Variants in MACROD2 observed in about 807,000 individuals in gnomAD.
MACROD2 encodes the protein mono-ADP ribosylhydrolase 2.
A neutral mutation model predicts 70.4 loss-of-function variants in MACROD2; 36 were observed. That is an observed-to-expected ratio of 0.51 (90% CI 0.39 to 0.68). The LOEUF (loss-of-function observed/expected upper bound fraction) is 0.68, where lower values mean the gene tolerates loss of function less well. MACROD2 is among the 30% of genes least tolerant of loss of function. The pLI is 0.00. For missense variants in MACROD2, 496 were observed against 538.4 expected, an observed-to-expected ratio of 0.92 and a Z score of 0.78; for synonymous variants, 172 against 178.8, an observed-to-expected ratio of 0.96 and a Z score of 0.30.
intron 3 of MACROD2, among the ~76,000 whole-genome samples, chr20:14,467,494 G>T (rs1488737596): frequency 6.6e-6 from 1 of 152,030 alleles, no homozygotes; most frequent in African/African-American, 2.4e-5. Context: ...CGGGTGAGGC[G>T]ATGCCTCTCC....
chr20:14,848,924 A>G (rs1275938412), intron 5 of MACROD2, among the ~76,000 whole-genome samples: 1 of 152,126 alleles, frequency 6.6e-6, no homozygotes, highest in African/African-American at 2.4e-5. Flanking sequence ...TGGATACTCC[A>G]CATCCTCCGG....
chr20:15,830,563 G>A (rs559461526), intron 8 of MACROD2, among the ~76,000 whole-genome samples: 1 of 152,350 alleles, frequency 6.6e-6, no homozygotes, highest in South Asian at 2.1e-4. Flanking sequence ...AGGAGCGGAA[G>A]TACCCAAAAC....
At chr20:15,295,595 T>TCACACACACACACACACACACACACA (rs3223712) in intron 6 of MACROD2, among the ~76,000 whole-genome samples, 3 of 147,938 alleles carry the variant, frequency 2.0e-5, no homozygotes, top group Admixed American at 6.8e-5. Flanking sequence ...ATGTCTGTCA[T>TCACACACACACACACACACACACACA]CACACACACA....
chr20:14,315,483 T>G (rs2082604986), intron 3 of MACROD2, among the ~76,000 whole-genome samples: 1 of 152,224 alleles, frequency 6.6e-6, no homozygotes, highest in African/African-American at 2.4e-5. Context: ...TTGGAAAGAT[T>G]TAGCAGTGAA....
chr20:15,610,928 A>G (rs2048958212), intron 8 of MACROD2, among the ~76,000 whole-genome samples: 1 of 146,588 alleles, frequency 6.8e-6, no homozygotes, highest in Admixed American at 6.8e-5. Context: ...TATTCAGATG[A>G]CTGGGACTTT....
chr20:15,807,969 T>C (rs2063784163), intron 8 of MACROD2, among the ~76,000 whole-genome samples: 1 of 151,938 alleles, frequency 6.6e-6, no homozygotes, highest in Admixed American at 6.6e-5. Context: ...CCTGACCTAA[T>C]CAGTTATTTG....
intron 5 of MACROD2, among the ~76,000 whole-genome samples, chr20:14,700,518 T>C (rs1015355725): frequency 8.5e-5 from 11 of 128,804 alleles, no homozygotes; most frequent in African/African-American, 3.3e-4. Context: ...TTAAGACATA[T>C]GGTGGTGTGT....
chr20:14,692,401 A>G (rs2071075428), intron 5 of MACROD2, among the ~76,000 whole-genome samples: 1 of 152,146 alleles, frequency 6.6e-6, no homozygotes, highest in African/African-American at 2.4e-5. Context: ...TCCACTAGTG[A>G]TGACATCTGT....
chr20:14,726,433 G>A (rs148361371), intron 5 of MACROD2, among the ~76,000 whole-genome samples: 3 of 152,254 alleles, frequency 2.0e-5, no homozygotes, highest in South Asian at 2.1e-4. Context: ...CGAATGAAGC[G>A]ATTAGTGTCA....
intron 9 of MACROD2, among the ~76,000 whole-genome samples, chr20:15,868,214 A>G (rs1414361906): frequency 6.6e-6 from 1 of 152,180 alleles, no homozygotes; most frequent in Non-Finnish European, 1.5e-5. Context: ...GTAACTATCT[A>G]GCTGGATTTG....
intron 5 of MACROD2, among the ~76,000 whole-genome samples, chr20:15,107,355 A>G (rs1331384222): frequency 1.3e-5 from 2 of 151,960 alleles, no homozygotes; most frequent in East Asian, 3.9e-4. Flanking sequence ...CACATAACCA[A>G]TTAATAGTTG....
At chr20:14,713,365 G>T (rs539749430) in intron 5 of MACROD2, among the ~76,000 whole-genome samples, 1 of 152,152 alleles carries the variant, frequency 6.6e-6, no homozygotes, top group Non-Finnish European at 1.5e-5. Flanking sequence ...CTGTTTGAAC[G>T]TAAGTGGTTG....
chr20:15,050,149 TAAC>T (rs1411645760), intron 5 of MACROD2, among the ~76,000 whole-genome samples: 1 of 152,162 alleles, frequency 6.6e-6, no homozygotes, highest in Non-Finnish European at 1.5e-5. Context: ...CTAAAGCTCT[TAAC>T]AATCATACAA....
At chr20:15,933,730 A>C (rs986666758) in intron 11 of MACROD2, among the ~76,000 whole-genome samples, 3 of 152,228 alleles carry the variant, frequency 2.0e-5, no homozygotes, top group African/African-American at 7.2e-5. Flanking sequence ...CTTGGCCTGC[A>C]CAGTGAGTAG....
In MACROD2 at chr20:15,663,961, T is replaced by C. The variant is rs373057701; in HGVS notation, c.645+164114T>C. Reference sequence around the variant, plus strand: ...ATAATGATAGCTCCACAGGTGTCCTTGTCTCTGGAAATCTTGGCTGTGACC... The same window carrying C: ...ATAATGATAGCTCCACAGGTGTCCTCGTCTCTGGAAATCTTGGCTGTGACC... On this transcript the variant is annotated intron_variant, in intron 8 of 17. Coordinates refer to ENST00000684519, the MANE Select transcript of MACROD2 (RefSeq NM_001351661.2). Among the ~76,000 whole-genome samples, 93 of 152,324 alleles carry C rather than the reference T, an allele frequency of 6.1e-4. 1 individual carries two copies. In the South Asian group the frequency reaches 0.018, roughly 30 times the overall value.
chr20:15,740,896 C>T (rs949357244), intron 8 of MACROD2, among the ~76,000 whole-genome samples: 5 of 152,074 alleles, frequency 3.3e-5, no homozygotes, highest in South Asian at 2.1e-4. Flanking sequence ...CCACTGCTCG[C>T]GTGCTATCCT....
intron 8 of MACROD2, among the ~76,000 whole-genome samples, chr20:15,681,671 T>C (rs537407925): frequency 3.0e-4 from 45 of 152,338 alleles, no homozygotes; most frequent in African/African-American, 1.0e-3. Flanking sequence ...ATCATTTTCC[T>C]GTGATGATAA....
chr20:15,119,191 G>A (rs2076013015), intron 5 of MACROD2, among the ~76,000 whole-genome samples: 1 of 152,146 alleles, frequency 6.6e-6, no homozygotes, highest in Non-Finnish European at 1.5e-5. Context: ...ACTTCAAGAG[G>A]AGTGGTCTCT....
At chr20:15,836,440 T>A (rs1294917011) in intron 8 of MACROD2, among the ~76,000 whole-genome samples, 1 of 152,196 alleles carries the variant, frequency 6.6e-6, no homozygotes, top group African/African-American at 2.4e-5. Flanking sequence ...TGGGATGTTT[T>A]TTCCTTTATT....
Sources: gnomAD v4.1 joint callset for allele counts (sites outside exome capture counted in the v4.1 genomes callset) on GRCh38, gnomAD v4.1.1 for gene constraint, MANE v1.5 for transcripts, NCBI Gene and HGNC (gene_info 2026-07-23, HGNC 2026-07-21) for gene names.